KIAA0825: variants seen among roughly 807,000 people sequenced by gnomAD.
KIAA0825 encodes the protein KIAA0825.
Under a neutral mutation model 147.6 loss-of-function variants are expected in KIAA0825, and 119 were observed. The ratio of observed to expected loss-of-function variants is 0.81; its 90% CI spans 0.69 to 0.94. KIAA0825 has a LOEUF of 0.94. KIAA0825 is among the 40% of genes least tolerant of loss of function. The probability of loss-of-function intolerance (pLI) is 0.00; values close to 1 mark genes in which losing one functional copy is unlikely to be tolerated. For missense variants in KIAA0825, 1,381 were observed against 1,472.7 expected (o/e 0.94, Z 1.02); for synonymous variants, 470 against 518.1 (o/e 0.91, Z 1.26).
rs556812498 is a variant in KIAA0825 at position 94,274,716 on chromosome 5, A to T, written c.3710+109652T>A. ...AGCTAAGATAACAAAGCAGCAACGGATGAGTAACAAGATTCTCTTTACTTC... is the reference window on the plus strand; with the variant it reads ...AGCTAAGATAACAAAGCAGCAACGGTTGAGTAACAAGATTCTCTTTACTTC... On this transcript the variant is annotated intron_variant, in intron 20 of 20. Coordinates refer to ENST00000682413, the MANE Select transcript of KIAA0825 (RefSeq NM_001145678.3). Among the ~76,000 whole-genome samples the T allele has an allele frequency of 1.3e-4, 20 of 152,286 alleles. 1 individual carries two copies. The highest frequency in any genetic ancestry group is 4.8e-4 in the African/African-American group (20 of 41,568).
chr5:94,577,395 A>G (rs1781264290), intron 2 of KIAA0825, among the ~76,000 whole-genome samples: 1 of 152,198 alleles, frequency 6.6e-6, no homozygotes, highest in African/African-American at 2.4e-5. Context: ...TGAAGTCAAC[A>G]AAAGCTTATT....
intron 5 of KIAA0825, among the ~76,000 whole-genome samples, chr5:94,514,140 T>C (rs910493265): frequency 2.0e-5 from 3 of 152,110 alleles, no homozygotes; most frequent in Non-Finnish European, 4.4e-5. Flanking sequence ...AATTAATTAA[T>C]AGTGAAAAGG....
intron 11 of KIAA0825, among the ~76,000 whole-genome samples, chr5:94,463,945 A>G (rs1193426987): frequency 6.6e-6 from 1 of 151,872 alleles, no homozygotes; most frequent in Non-Finnish European, 1.5e-5. Flanking sequence ...GAGTCTGGTC[A>G]GTAATTCAAA....
intron 16 of KIAA0825, among the ~76,000 whole-genome samples, chr5:94,399,754 T>C (rs1024257654): frequency 4.6e-5 from 7 of 152,160 alleles, no homozygotes; most frequent in African/African-American, 1.7e-4. Context: ...TGTATATTGA[T>C]GTATTTGTCA....
chr5:94,559,475 A>T (rs758201658), intron 2 of KIAA0825, among the ~76,000 whole-genome samples: 3 of 152,188 alleles, frequency 2.0e-5, no homozygotes, highest in Non-Finnish European at 2.9e-5. Flanking sequence ...ATGAAAACAA[A>T]CTAACTAATT....
Position 94,520,618 on chromosome 5 carries a change from C to T in KIAA0825, c.600G>A (p.Leu200=). The change falls in exon 5 of 21, where the codon TTG becomes TTA. Residue 200 remains leucine, a synonymous_variant. Transcript: ENST00000682413. ...TAACTTCTGATTCTGGATAAAGAAA[C>T]AAGAGTTGTTGTAAGCACTGCTTTT... is the stretch of plus-strand genomic sequence containing the variant. ...LLKKQCLQQL[L]FLYPESEVII... is the part of the protein sequence containing the mutation. 1.2e-6 allele frequency: 2 copies of T among 1,613,272 alleles called. No individual in the cohort carries two copies. Among genetic ancestry groups the T allele is most frequent in the Non-Finnish European group, 1.7e-6 (2 of 1,179,476 alleles).
rs1196480961 is a variant in KIAA0825, at chr5:94,471,694, A to C, written c.1493T>G (p.Leu498Arg). The change falls in exon 9 of 21, where the codon CTT becomes CGT. Residue 498 changes from leucine to arginine, a missense_variant. Physicochemically the swap from Leu to Arg is moderately radical, Grantham distance 102 (BLOSUM62 -2). Coordinates refer to ENST00000682413, the MANE Select transcript of KIAA0825 (RefSeq NM_001145678.3). ...SDIMEKLDTM[L>R]PLALACRDDS... The stretch of plus-strand genomic sequence containing the variant: ...ATCTCTGCATGCCAGAGCCAGTGGA[A>C]GCATTGTGTCAAGTTTTTCCATGAT... The C allele has an allele frequency of 3.2e-6, 5 of 1,552,386 alleles. No homozygotes were observed. The highest frequency in any genetic ancestry group is 1.7e-6 in the Non-Finnish European group (2 of 1,147,142).
chr5:94,485,587 G>A (rs1762958082), intron 5 of KIAA0825, among the ~76,000 whole-genome samples: 1 of 151,618 alleles, frequency 6.6e-6, no homozygotes, highest in South Asian at 2.1e-4. Context: ...AAGAGTGTCT[G>A]CGGACTATTT....
chr5:94,473,122 C>T (rs1432925655), intron 8 of KIAA0825, among the ~76,000 whole-genome samples, 170 bp downstream of exon 8: 1 of 152,150 alleles, frequency 6.6e-6, no homozygotes, highest in African/African-American at 2.4e-5. Context: ...TAAGTCCTTT[C>T]GGGCAGCAGT....
At chr5:94,166,600 C>A (rs528958211) in intron 20 of KIAA0825, among the ~76,000 whole-genome samples, 1 of 150,844 alleles carries the variant, frequency 6.6e-6, no homozygotes, top group Admixed American at 6.6e-5. Flanking sequence ...CTCCGCCTCC[C>A]GGGTTCACGC....
intron 3 of KIAA0825, among the ~76,000 whole-genome samples, chr5:94,530,356 T>C (rs901262894): frequency 4.6e-5 from 7 of 151,916 alleles, no homozygotes; most frequent in African/African-American, 1.7e-4. Flanking sequence ...CACTATGTTG[T>C]CCAGGCTGGA....
At chr5:94,455,502 G>C (rs58895921) in intron 12 of KIAA0825, among the ~76,000 whole-genome samples, 24,413 of 152,062 alleles carry the variant, frequency 0.16, 2,111 homozygotes, top group East Asian at 0.21. Flanking sequence ...AAACTGTTTT[G>C]AGAGGGAAAC....
chr5:94,589,696 G>T (rs531796669), intron 1 of KIAA0825, among the ~76,000 whole-genome samples: 1 of 151,988 alleles, frequency 6.6e-6, no homozygotes, highest in African/African-American at 2.4e-5. Context: ...TTGTATATAT[G>T]TATTATGTGT....
rs532048701 is a variant in KIAA0825 at position 94,198,598 on chromosome 5, G to A, written c.3711-44474C>T. Among the ~76,000 whole-genome samples the A allele has an allele frequency of 8.3e-4, 126 of 152,136 alleles. 1 individual carries two copies. The highest frequency in any genetic ancestry group is 7.4e-4 in the Non-Finnish European group (50 of 67,986). On this transcript the variant is annotated intron_variant, in intron 20 of 20. Transcript: ENST00000682413. ...GAACATCACACACTGGGGCCTGTCA[G>A]GGGGTGGGAGGCAAGGGGATGGAGA...
chr5:94,541,793 T>C (rs1276864274), intron 2 of KIAA0825, among the ~76,000 whole-genome samples: 3 of 152,252 alleles, frequency 2.0e-5, no homozygotes, highest in Non-Finnish European at 4.4e-5. Context: ...AATGCACTAA[T>C]GCAACAGTGA....
rs1210097120 is a variant in KIAA0825 at position 94,353,868 on chromosome 5, T to C, written c.3710+30500A>G. 2.6e-5 allele frequency among the ~76,000 whole-genome samples: 4 copies of C among 152,206 alleles called. No homozygotes were observed. In the East Asian group the frequency reaches 7.7e-4, roughly 29 times the overall value. On this transcript the variant is annotated intron_variant, in intron 20 of 20. Transcript: ENST00000682413. ...ATGAGCATAGAATATCATATGTAAA[T>C]GCAAAATTCCAAATATATATGTTTT...
intron 20 of KIAA0825, among the ~76,000 whole-genome samples, chr5:94,224,395 C>T (rs906527526): frequency 6.6e-6 from 1 of 151,628 alleles, no homozygotes; most frequent in African/African-American, 2.4e-5. Flanking sequence ...TGTCCCTTGC[C>T]CATCAACTGC....
intron 20 of KIAA0825, among the ~76,000 whole-genome samples, chr5:94,338,100 G>A (rs1360139063): frequency 6.6e-6 from 1 of 152,134 alleles, no homozygotes; most frequent in African/African-American, 2.4e-5. Context: ...GACTGGTTCA[G>A]TACAACACCC....
At chr5:94,568,804 A>G (rs531812031) in intron 2 of KIAA0825, 1 of 155,072 alleles carries the variant, frequency 6.4e-6, no homozygotes, top group African/African-American at 2.4e-5. Flanking sequence ...TAACTTGACT[A>G]GAAAAACTAA....
Sources: gnomAD v4.1 joint callset for allele counts (sites outside exome capture counted in the v4.1 genomes callset) on GRCh38, gnomAD v4.1.1 for gene constraint, MANE v1.5 for transcripts, NCBI Gene and HGNC (gene_info 2026-07-23, HGNC 2026-07-21) for gene names.